Variants in EPB41L3 observed in about 807,000 individuals in gnomAD.
EPB41L3 encodes the protein erythrocyte membrane protein band 4.1 like 3.
In EPB41L3, 57 loss-of-function variants were observed where a neutral mutation model predicts 127.1. That is an observed-to-expected ratio of 0.45 (90% CI 0.36 to 0.56). The LOEUF (loss-of-function observed/expected upper bound fraction) is 0.56. EPB41L3 is among the 20% of genes least tolerant of loss of function. The probability of loss-of-function intolerance (pLI) is 0.00; values close to 1 mark genes in which losing one functional copy is unlikely to be tolerated. For synonymous variants in EPB41L3, 572 were observed against 549.5 expected, an observed-to-expected ratio of 1.04 and a Z score of -0.57; for missense variants, 1,273 against 1,372.2, an observed-to-expected ratio of 0.93 and a Z score of 1.14.
At chr18:5,447,132 GGA>G (rs2081584463) in intron 3 of EPB41L3, among the ~76,000 whole-genome samples, 1 of 152,148 alleles carries the variant, frequency 6.6e-6, no homozygotes, top group South Asian at 2.1e-4. Context: ...TGAATCTTCA[GGA>G]TGTCCCTTGC....
rs968646687 is a variant in EPB41L3 at position 5,440,339 on chromosome 18, C to T, written c.530-2229G>A. Among the ~76,000 whole-genome samples the T allele has an allele frequency of 2.6e-5, 4 of 151,512 alleles. No individual in the cohort carries two copies. In the South Asian group the frequency reaches 8.4e-4, roughly 32 times the overall value. On this transcript the variant is annotated intron_variant, in intron 5 of 22. Transcript: ENST00000341928. ...GGGAAAGTGTACAGAAACTATAATACAATCTACACCCCAATAAAGAAAAAA... is the reference window on the plus strand; with the variant it reads ...GGGAAAGTGTACAGAAACTATAATATAATCTACACCCCAATAAAGAAAAAA...
chr18:5,432,293 T>C (rs142810063), intron 8 of EPB41L3, among the ~76,000 whole-genome samples: 187 of 152,254 alleles, frequency 1.2e-3, no homozygotes, highest in African/African-American at 4.4e-3. Flanking sequence ...GAAATTCTCT[T>C]CATTTCCAGG....
chr18:5,533,035 G>C (rs2093460074), intron 1 of EPB41L3, among the ~76,000 whole-genome samples: 1 of 152,114 alleles, frequency 6.6e-6, no homozygotes, highest in South Asian at 2.1e-4. Flanking sequence ...ATTAATATAT[G>C]TATATTCACC....
chr18:5,541,962 T>G lies in EPB41L3; in HGVS notation c.-12+1951A>C, dbSNP rs373049580. On this transcript the variant is annotated intron_variant, in intron 1 of 22. Transcript: ENST00000341928. ...GATGCAGTAAGTTGTGCATCTGATA[T>G]TTTGCTTTTCTAAACCACCAGAAAA... 3.9e-5 allele frequency among the ~76,000 whole-genome samples: 6 copies of G among 152,360 alleles called. No individual in the cohort carries two copies. In the East Asian group the frequency reaches 9.6e-4, roughly 24 times the overall value.
intron 1 of EPB41L3, among the ~76,000 whole-genome samples, chr18:5,490,887 C>T (rs2090512733): frequency 6.6e-6 from 1 of 152,088 alleles, no homozygotes; most frequent in Non-Finnish European, 1.5e-5. Flanking sequence ...TTACTGAGTA[C>T]CAAATATAAG....
intron 6 of EPB41L3, among the ~76,000 whole-genome samples, chr18:5,434,399 C>T (rs555537715): frequency 2.0e-5 from 3 of 152,184 alleles, no homozygotes; most frequent in Non-Finnish European, 4.4e-5. Context: ...CTAAAAGAAA[C>T]TTAAAGACAT....
Position 5,443,856 on chromosome 18 carries a change from T to C in EPB41L3, c.511A>G (p.Ile171Val). The C allele has an allele frequency of 6.2e-7, 1 of 1,609,932 alleles. No individual in the cohort carries two copies. Among genetic ancestry groups the C allele is most frequent in the Non-Finnish European group, 8.5e-7 (1 of 1,178,684 alleles). The change falls in exon 5 of 23, where the codon ATA becomes GTA. Residue 171 changes from isoleucine (I) to valine (V), a missense_variant. Around this residue, in one of 3 missense-constraint regions of EPB41L3, gnomAD observed 326 missense variants for 440.2 expected, o/e 0.74. Transcript: ENST00000341928. ...QKNWLDPAKE[I>V]KKQVRSGAWH... is the part of the protein sequence containing the mutation. ...AACTTACTTCGAACCTGTTTTTTTA[T>C]TTCCTTAGCAGGGTCCAACCAATTC...
At chr18:5,510,893 CT>C (rs1317360050) in intron 1 of EPB41L3, among the ~76,000 whole-genome samples, 7 of 152,082 alleles carry the variant, frequency 4.6e-5, no homozygotes, top group Admixed American at 2.6e-4. Flanking sequence ...CTAGCTCTAT[CT>C]GCCTACTTAT....
chr18:5,419,601 G>C (rs2077220381), intron 12 of EPB41L3, 110 bp downstream of exon 12: 3 of 1,426,404 alleles, frequency 2.1e-6, no homozygotes, highest in Non-Finnish European at 2.9e-6. Flanking sequence ...GACCAGTGCT[G>C]ACATATGATT....
chr18:5,519,997 T>G (rs775542677), intron 1 of EPB41L3, among the ~76,000 whole-genome samples: 18 of 152,220 alleles, frequency 1.2e-4, no homozygotes, highest in Admixed American at 5.2e-4. Flanking sequence ...ACTGTTTTGC[T>G]TTTTGACGCA....
intron 1 of EPB41L3, among the ~76,000 whole-genome samples, chr18:5,536,935 G>A (rs2093592315): frequency 6.6e-6 from 1 of 152,178 alleles, no homozygotes; most frequent in African/African-American, 2.4e-5. Context: ...ATATGAGTCT[G>A]TATATGTACA....
chr18:5,434,264 G>T (rs1014819258), intron 6 of EPB41L3, 143 bp from the exon 7 acceptor site: 1 of 638,552 alleles, frequency 1.6e-6, no homozygotes, highest in African/African-American at 1.8e-5. Context: ...TATATATTTT[G>T]ATATTTACTT....
intron 3 of EPB41L3, among the ~76,000 whole-genome samples, chr18:5,568,397 T>G (rs79525114): frequency 4.1e-5 from 6 of 146,342 alleles, no homozygotes; most frequent in Non-Finnish European, 7.4e-5. Flanking sequence ...TTCTCTCTTC[T>G]CTATGGTTTC....
At chr18:5,483,298 T>C (rs2088973912) in intron 2 of EPB41L3, among the ~76,000 whole-genome samples, 1 of 152,130 alleles carries the variant, frequency 6.6e-6, no homozygotes, top group African/African-American at 2.4e-5. Context: ...ATCTATAAGA[T>C]GTTTCTGGTA....
intron 8 of EPB41L3, among the ~76,000 whole-genome samples, chr18:5,429,737 T>C (rs2078719237): frequency 6.6e-6 from 1 of 152,220 alleles, no homozygotes; most frequent in Admixed American, 6.5e-5. Context: ...AAATATTTGA[T>C]GGCAGGATAT....
At chr18:5,574,713 T>C (rs1345820264) in intron 3 of EPB41L3, among the ~76,000 whole-genome samples, 1 of 152,154 alleles carries the variant, frequency 6.6e-6, no homozygotes, top group Admixed American at 6.5e-5. Context: ...TCCCAACATA[T>C]CACGTGTCAT....
At chr18:5,401,805 C>T (rs1480217100) in intron 16 of EPB41L3, among the ~76,000 whole-genome samples, 1 of 151,934 alleles carries the variant, frequency 6.6e-6, no homozygotes, top group Non-Finnish European at 1.5e-5. Context: ...ATTAAATAGG[C>T]ACAATTCAGG....
At chr18:5,457,424 T>C (rs557313404) in intron 3 of EPB41L3, among the ~76,000 whole-genome samples, 31 of 151,874 alleles carry the variant, frequency 2.0e-4, no homozygotes, top group African/African-American at 7.5e-4. Flanking sequence ...CTCTCCTTGC[T>C]TTCATCTGGT....
chr18:5,572,500 CA>C (rs1453931549), intron 3 of EPB41L3, among the ~76,000 whole-genome samples: 4 of 152,160 alleles, frequency 2.6e-5, no homozygotes, highest in African/African-American at 9.7e-5. Flanking sequence ...ACAAACAAAA[CA>C]GTCACATGGA....
Sources: gnomAD v4.1 joint callset for allele counts (sites outside exome capture counted in the v4.1 genomes callset) on GRCh38, gnomAD v4.1.1 for gene constraint, gnomAD v4.1.1 regional missense constraint, MANE v1.5 for transcripts, NCBI Gene and HGNC (gene_info 2026-07-23, HGNC 2026-07-21) for gene names.